Variants in AKAP11 observed in about 807,000 individuals in gnomAD.
AKAP11 encodes A-kinase anchoring protein 11.
A neutral mutation model predicts 146.1 loss-of-function variants in AKAP11; 36 were observed. The observed-to-expected ratio is 0.25, with a 90% CI of 0.19 to 0.33. The LOEUF (loss-of-function observed/expected upper bound fraction) is 0.33. Ranked by LOEUF, AKAP11 falls within the 10% of genes least tolerant of loss-of-function variation. The pLI is 1.00. For missense variants in AKAP11, 2,201 were observed against 2,197.0 expected (o/e 1.00, Z -0.04); for synonymous variants, 780 against 786.5 (o/e 0.99, Z 0.14).
At chr13:42,279,994 A>T (rs957320574) in intron 1 of AKAP11, among the ~76,000 whole-genome samples, 1 of 152,168 alleles carries the variant, frequency 6.6e-6, no homozygotes, top group South Asian at 2.1e-4. Context: ...TACCTGATAC[A>T]TTACAAGGTT....
chr13:42,278,959 T>C (rs1377045220), intron 1 of AKAP11, among the ~76,000 whole-genome samples: 1 of 152,116 alleles, frequency 6.6e-6, no homozygotes, highest in African/African-American at 2.4e-5. Context: ...TCTTAGTACT[T>C]TGAAGATAGT....
In AKAP11 at chr13:42,318,144, A is replaced by G. The variant is rs543099982; in HGVS notation, c.5565+456A>G. On this transcript the variant is annotated intron_variant, in intron 12 of 12. Transcript: ENST00000025301. ...TTTCATTTGTATGAGCAGCTGTCAT[A>G]ATTAAAAGCCGATAAAAGTTTAAAC... is the stretch of plus-strand genomic sequence containing the variant. Among the ~76,000 whole-genome samples, 33 of 152,356 alleles carry G rather than the reference A, an allele frequency of 2.2e-4. No individual in the cohort carries two copies. In the South Asian group the frequency reaches 6.2e-3, roughly 29 times the overall value.
intron 1 of AKAP11, among the ~76,000 whole-genome samples, chr13:42,277,202 A>G (rs948818286): frequency 1.3e-5 from 2 of 152,266 alleles, no homozygotes; most frequent in African/African-American, 4.8e-5. Context: ...TTACAGATGC[A>G]CACTCAATAG....
chr13:42,315,457 A>T (rs1420532265), intron 11 of AKAP11, among the ~76,000 whole-genome samples: 1 of 152,218 alleles, frequency 6.6e-6, no homozygotes, highest in Non-Finnish European at 1.5e-5. Context: ...GCCTTTTCTC[A>T]AGTAACATCT....
chr13:42,281,660 A>G (rs1166660406), intron 1 of AKAP11, among the ~76,000 whole-genome samples: 1 of 152,188 alleles, frequency 6.6e-6, no homozygotes, highest in Non-Finnish European at 1.5e-5. Context: ...CCATGATTGT[A>G]TCTACCCAGA....
chr13:42,289,714 G>A (rs1467883793), intron 3 of AKAP11, among the ~76,000 whole-genome samples: 1 of 151,970 alleles, frequency 6.6e-6, no homozygotes, highest in East Asian at 1.9e-4. Flanking sequence ...GATACTAGGA[G>A]TTGCCTTTGC....
chr13:42,294,453 A>C (rs927982428), intron 4 of AKAP11, among the ~76,000 whole-genome samples: 21 of 151,738 alleles, frequency 1.4e-4, no homozygotes, highest in African/African-American at 5.1e-4. Context: ...CCCAGGCTGG[A>C]GTGCAGTGGC....
At chr13:42,297,015 A>G (rs200417085) in intron 5 of AKAP11, 33 bp from the exon 6 acceptor site, 7 of 1,566,904 alleles carry the variant, frequency 4.5e-6, no homozygotes, top group Middle Eastern at 1.8e-4. Context: ...GTGTTACTCT[A>G]CAGTGTTACT....
chr13:42,310,687 C>T (rs943657918), intron 9 of AKAP11, among the ~76,000 whole-genome samples: 4 of 151,912 alleles, frequency 2.6e-5, no homozygotes, highest in African/African-American at 9.7e-5. Context: ...GGTGAAACCC[C>T]GTCTCTACCA....
At chr13:42,307,420 CAAGGTAGG>C (rs1220433256) in intron 8 of AKAP11, among the ~76,000 whole-genome samples, 5 of 151,832 alleles carry the variant, frequency 3.3e-5, no homozygotes, top group African/African-American at 1.2e-4. Context: ...AAAAATAAAG[CAAGGTAGG>C]GAGTTAGGGA....
chr13:42,303,487 C>T lies in AKAP11; in HGVS notation c.4741C>T (p.Pro1581Ser). 3 of 1,614,194 alleles carry T rather than the reference C, an allele frequency of 1.9e-6. No homozygotes were observed. Among genetic ancestry groups the T allele is most frequent in the Non-Finnish European group, 2.5e-6 (3 of 1,180,030 alleles). Residue 1581 changes from proline (P) to serine (S), a missense_variant, in exon 8 of 13, where the codon CCT becomes TCT. Around this residue, in one of 3 missense-constraint regions of AKAP11, gnomAD observed 1,867 missense variants for 1,833.5 expected, o/e 1.02. Transcript: ENST00000025301. ...GGTCACTTATGCAGAAAAGTTGTCACCTCTTACAGGTCAAGCTTGCAGATA... is the reference window on the plus strand; with the variant it reads ...GGTCACTTATGCAGAAAAGTTGTCATCTCTTACAGGTCAAGCTTGCAGATA... ...DRVTYAEKLS[P>S]LTGQACRYCD...
rs1960639011 is a variant in AKAP11 at position 42,313,037 on chromosome 13, C to T, written c.5274-10C>T. 3.1e-6 allele frequency: 5 copies of T among 1,609,888 alleles called. No individual in the cohort carries two copies. In the East Asian group the frequency reaches 8.9e-5, roughly 29 times the overall value. On this transcript the variant is annotated splice_polypyrimidine_tract_variant and intron_variant, in intron 9 of 12. Transcript: ENST00000025301. ...TCTAGTTCAGCTCTGTTCTTTTCTTCCTCTGGCAGTAATGGTAACAGCAGT... is the reference window on the plus strand; with the variant it reads ...TCTAGTTCAGCTCTGTTCTTTTCTTTCTCTGGCAGTAATGGTAACAGCAGT...
intron 1 of AKAP11, among the ~76,000 whole-genome samples, chr13:42,285,221 T>G (rs1959144449): frequency 6.6e-6 from 1 of 152,216 alleles, no homozygotes; most frequent in Non-Finnish European, 1.5e-5. Flanking sequence ...TCTTTTTGTT[T>G]TTTTCAGAAA....
chr13:42,313,223 T>C, intron 10 of AKAP11, 93 bp downstream of exon 10: 2 of 903,490 alleles, frequency 2.2e-6, no homozygotes, highest in South Asian at 3.4e-5. Flanking sequence ...ACAGTGCCAG[T>C]ATGTATCAAC....
intron 8 of AKAP11, among the ~76,000 whole-genome samples, chr13:42,305,417 A>G (rs1329253939): frequency 6.6e-6 from 1 of 152,218 alleles, no homozygotes; most frequent in African/African-American, 2.4e-5. Context: ...CTAATCAGGC[A>G]GCCTTCTTTC....
chr13:42,306,161 A>G (rs1395684779), intron 8 of AKAP11, among the ~76,000 whole-genome samples: 1 of 152,228 alleles, frequency 6.6e-6, no homozygotes, highest in Admixed American at 6.5e-5. Flanking sequence ...TTCACTACAT[A>G]CCAGTTCCTA....
At position 42,300,961 on chromosome 13, in the gene AKAP11, G is replaced by A. The variant is rs763930822; in HGVS notation, c.2215G>A (p.Ala739Thr). 7.4e-6 allele frequency: 12 copies of A among 1,614,006 alleles called. No homozygotes were observed. The highest frequency in any genetic ancestry group is 1.7e-5 in the Admixed American group (1 of 60,000). Residue 739 changes from alanine to threonine, a missense_variant, in exon 8 of 13, where the codon GCT (alanine) becomes ACT (threonine). Ala to Thr is a moderately conservative substitution (Grantham distance 58, BLOSUM62 0). Coordinates refer to ENST00000025301, the MANE Select transcript of AKAP11 (RefSeq NM_016248.4). ...AGAAAGTGTAGTGCCATCGACACAG[G>A]CTGTCACGTTTTCCCCTTCTTTTCA... ...SAESVVPSTQ[A>T]VTFSPSFHNQ...
intron 1 of AKAP11, among the ~76,000 whole-genome samples, chr13:42,279,171 G>A (rs1361125519): frequency 6.6e-5 from 10 of 151,402 alleles, no homozygotes; most frequent in South Asian, 2.1e-4. Context: ...GTCAGTTTAC[G>A]GTTTTCATCA....
At chr13:42,276,445 C>T (rs188394035) in intron 1 of AKAP11, among the ~76,000 whole-genome samples, 37 of 152,120 alleles carry the variant, frequency 2.4e-4, no homozygotes, top group African/African-American at 8.7e-4. Context: ...GGGGTTTCAC[C>T]GTGTTGGCCA....
Sources: allele counts gnomAD v4.1 joint callset (sites outside exome capture counted in the v4.1 genomes callset), GRCh38; gene constraint gnomAD v4.1.1; regional missense constraint gnomAD v4.1.1; transcripts MANE v1.5; gene names NCBI Gene and HGNC (gene_info 2026-07-23, HGNC 2026-07-21).